The following SASH1 variants were observed in gnomAD, a reference collection of about 807,000 sequenced individuals.
SASH1 encodes the protein SAM and SH3 domain containing 1, also known as SAM and SH3 domain-containing protein 1.
In SASH1, 44 loss-of-function variants were observed where a neutral mutation model predicts 125.2. The observed-to-expected ratio is 0.35, with a 90% confidence interval of 0.28 to 0.45. The LOEUF (loss-of-function observed/expected upper bound fraction) is 0.45, where lower values mean the gene tolerates loss of function less well. SASH1 is among the 20% of genes least tolerant of loss of function. The probability of loss-of-function intolerance (pLI) is 1.00; values close to 1 mark genes in which losing one functional copy is unlikely to be tolerated. For synonymous variants in SASH1, 639 were observed against 649.1 expected, an observed-to-expected ratio of 0.98 and a Z score of 0.24; for missense variants, 1,426 against 1,614.5, an observed-to-expected ratio of 0.88 and a Z score of 2.00.
intron 1 of SASH1, among the ~76,000 whole-genome samples, chr6:148,358,270 G>T (rs527336271): frequency 6.6e-6 from 1 of 152,054 alleles, no homozygotes; most frequent in African/African-American, 2.4e-5. Context: ...CTCAAGGACT[G>T]TAGGTCACCG....
intron 2 of SASH1, among the ~76,000 whole-genome samples, chr6:148,390,656 T>C (rs902796712): frequency 1.5e-4 from 23 of 151,906 alleles, no homozygotes; most frequent in East Asian, 3.9e-4. Context: ...GGCGTGGTGA[T>C]GGGTGCCTGT....
At chr6:148,471,312 C>T (rs1045020218) in intron 5 of SASH1, 105 bp from the exon 6 acceptor site, 2 of 703,724 alleles carry the variant, frequency 2.8e-6, no homozygotes, top group South Asian at 2.0e-5. Flanking sequence ...TCAAAGTATT[C>T]CTACCAGCTT....
chr6:148,469,594 A>G (rs780460063), intron 5 of SASH1, among the ~76,000 whole-genome samples: 18 of 152,114 alleles, frequency 1.2e-4, no homozygotes, highest in Non-Finnish European at 2.2e-4. Flanking sequence ...TTAGGTGGGC[A>G]TAGCACCATG....
chr6:148,480,191 G>C (rs1490249335), intron 7 of SASH1: 1 of 152,250 alleles, frequency 6.6e-6, no homozygotes, highest in East Asian at 1.9e-4. Flanking sequence ...TTAGCCAGAC[G>C]TGGTGGCACG....
At chr6:148,368,192 A>C (rs952552372) in intron 1 of SASH1, among the ~76,000 whole-genome samples, 3 of 152,186 alleles carry the variant, frequency 2.0e-5, no homozygotes, top group Non-Finnish European at 2.9e-5. Flanking sequence ...TGTGTGCCCA[A>C]CTGCAGTGAG....
chr6:148,526,733 C>T (rs1781185904), intron 11 of SASH1, among the ~76,000 whole-genome samples: 1 of 152,152 alleles, frequency 6.6e-6, no homozygotes, highest in Non-Finnish European at 1.5e-5. Context: ...GATGGAAATC[C>T]AATCAGATGT....
chr6:148,464,974 A>G (rs890629540), intron 4 of SASH1, among the ~76,000 whole-genome samples: 1 of 152,184 alleles, frequency 6.6e-6, no homozygotes, highest in East Asian at 1.9e-4. Context: ...GCCTGGGCCA[A>G]GTCCAAACCG....
In SASH1 at chr6:148,529,399, T is replaced by C. The variant is rs986975903; in HGVS notation, c.1428+1803T>C. Reference sequence around the variant, plus strand: ...TGCCTTCAGCATGTCTTATCCATGATTTTTTTTCTTTATTCTTTTCATTCT... The same window carrying C: ...TGCCTTCAGCATGTCTTATCCATGACTTTTTTTCTTTATTCTTTTCATTCT... On this transcript the variant is annotated intron_variant, in intron 12 of 19. Transcript: ENST00000367467. This position sits in a 1 kb window ranked among gnomAD's most constrained non-coding sequence, Gnocchi z 4.2. Among the ~76,000 whole-genome samples, 8 of 152,134 alleles carry C rather than the reference T, an allele frequency of 5.3e-5. No individual in the cohort carries two copies. The highest frequency in any genetic ancestry group is 1.2e-4 in the Non-Finnish European group (8 of 68,032).
intron 1 of SASH1, among the ~76,000 whole-genome samples, chr6:148,348,660 G>A (rs561630283): frequency 6.6e-6 from 1 of 152,304 alleles, no homozygotes; most frequent in East Asian, 1.9e-4. Context: ...AAGTCATGCA[G>A]ATAGTAGATG....
Position 148,543,851 on chromosome 6 carries a change from A to G in SASH1, c.2381A>G (p.Asp794Gly). The part of the protein sequence containing the change: ...EGRLGGGLAP[D>G]TSKSCDPPGV... Reference sequence around the variant, plus strand: ...AGGCTGGGTGGTGGCCTTGCCCCAGACACGTCCAAGAGCTGTGACCCACCT... The same window carrying G: ...AGGCTGGGTGGTGGCCTTGCCCCAGGCACGTCCAAGAGCTGTGACCCACCT... The change falls in exon 18 of 20, where the codon GAC (aspartate) becomes GGC (glycine). Residue 794 changes from aspartate (D) to glycine (G), a missense_variant. By Grantham distance (94) the Asp-to-Gly change is moderately conservative. Around this residue, in one of 3 missense-constraint regions of SASH1, gnomAD observed 634 missense variants for 694.4 expected, o/e 0.91. Coordinates refer to ENST00000367467, the MANE Select transcript of SASH1 (RefSeq NM_015278.5). 6.2e-7 allele frequency: 1 copy of G among 1,614,166 alleles called. No homozygotes were observed. Among genetic ancestry groups the G allele is most frequent in the Non-Finnish European group, 8.5e-7 (1 of 1,180,012 alleles).
chr6:148,515,478 G>A (rs527625179), intron 9 of SASH1, among the ~76,000 whole-genome samples: 120 of 152,252 alleles, frequency 7.9e-4, no homozygotes, highest in African/African-American at 2.8e-3. Flanking sequence ...TTATTCGTGG[G>A]TTTAAATCCC....
At chr6:148,241,804 TG>T in the SASH1 span, among the ~76,000 whole-genome samples, 1 of 152,226 alleles carries the variant, frequency 6.6e-6, no homozygotes, top group South Asian at 2.1e-4. Context: ...TATCTGGGCA[TG>T]GGGCTAATTC....
chr6:148,530,354 G>GA (rs1489283103), intron 12 of SASH1, among the ~76,000 whole-genome samples: 8 of 152,114 alleles, frequency 5.3e-5, no homozygotes, highest in African/African-American at 1.4e-4. Context: ...ATTTTAATGG[G>GA]AAAAAAGTTA....
At position 148,495,768 on chromosome 6, in the gene SASH1, T is replaced by C. The variant is rs1779282447; in HGVS notation, c.729+8053T>C. Among the ~76,000 whole-genome samples, 1 of 152,250 alleles carries C rather than the reference T, an allele frequency of 6.6e-6. No individual in the cohort carries two copies. Among genetic ancestry groups the C allele is most frequent in the African/African-American group, 2.4e-5 (1 of 41,474 alleles). ...CATACTGTAGTACTTCAGTCGGCGT[T>C]GTAGGTCCGGTGAAAGTATCCCCAA... is the stretch of plus-strand genomic sequence containing the variant. On this transcript the variant is annotated intron_variant, in intron 8 of 19. Transcript: ENST00000367467. The surrounding 1 kb of genome is among the most constrained non-coding windows in gnomAD (Gnocchi z 4.0).
chr6:148,458,450 C>T (rs1777459120), intron 4 of SASH1, among the ~76,000 whole-genome samples: 1 of 152,134 alleles, frequency 6.6e-6, no homozygotes. Context: ...AGAAAATGAA[C>T]TGGATATTGA....
chr6:148,369,701 C>A (rs1287921874), intron 1 of SASH1, among the ~76,000 whole-genome samples: 1 of 152,186 alleles, frequency 6.6e-6, no homozygotes, highest in Non-Finnish European at 1.5e-5. Context: ...TGCCTGCGAT[C>A]CTGGCACTTT....
At chr6:148,402,166 G>C (rs1784194374) in intron 2 of SASH1, among the ~76,000 whole-genome samples, 1 of 152,126 alleles carries the variant, frequency 6.6e-6, no homozygotes, top group Non-Finnish European at 1.5e-5. Context: ...TTGATCATCA[G>C]TTTCACTTCA....
At position 148,499,471 on chromosome 6, in the gene SASH1, G is replaced by A. The variant is rs185273674; in HGVS notation, c.729+11756G>A. Among the ~76,000 whole-genome samples, 229 of 152,290 alleles carry A rather than the reference G, an allele frequency of 1.5e-3. 1 individual carries two copies. Among genetic ancestry groups the A allele is most frequent in the Non-Finnish European group, 3.7e-4 (25 of 68,018 alleles). ...TTATTTATGTGCAAGCATTTATTGA[G>A]TACCCACTATGTGCCAGTCCTTGTA... On this transcript the variant is annotated intron_variant, in intron 8 of 19. Coordinates refer to ENST00000367467, the MANE Select transcript of SASH1 (RefSeq NM_015278.5).
upstream of SASH1, among the ~76,000 whole-genome samples, chr6:148,338,566 G>A (rs538241011): frequency 6.6e-6 from 1 of 152,250 alleles, no homozygotes; most frequent in East Asian, 1.9e-4. Flanking sequence ...ATTTGACCTA[G>A]ATCTTTTTCG....
Sources: gnomAD v4.1 joint callset for allele counts (sites outside exome capture counted in the v4.1 genomes callset) on GRCh38, gnomAD v4.1.1 for gene constraint, gnomAD v4.1.1 regional missense constraint, Gnocchi (gnomAD v3.1) non-coding constraint, MANE v1.5 for transcripts, NCBI Gene and HGNC (gene_info 2026-07-23, HGNC 2026-07-21) for gene names.